Variants in SERINC5 observed in about 807,000 individuals in gnomAD.
SERINC5 encodes the protein serine incorporator 5, also known as chromosome 5 open reading frame 12.
A neutral mutation model predicts 63.1 loss-of-function variants in SERINC5; 41 were observed. The ratio of observed to expected loss-of-function variants is 0.65; its 90% CI spans 0.51 to 0.84. SERINC5 has a LOEUF of 0.84. Ranked by LOEUF, SERINC5 falls within the 40% of genes least tolerant of loss-of-function variation. SERINC5 has a pLI of 0.00. For missense variants in SERINC5, 523 were observed against 573.0 expected (o/e 0.91, Z 0.89); for synonymous variants, 222 against 215.2 (o/e 1.03, Z -0.28).
chr5:80,129,874 G>A (rs1744874549), intron 11 of SERINC5, among the ~76,000 whole-genome samples: 1 of 152,092 alleles, frequency 6.6e-6, no homozygotes, highest in Non-Finnish European at 1.5e-5. Context: ...TAACAGTTTT[G>A]ATACATTTTG....
chr5:80,239,278 GC>G (rs1751847056), intron 1 of SERINC5, among the ~76,000 whole-genome samples: 1 of 152,126 alleles, frequency 6.6e-6, no homozygotes, highest in South Asian at 2.1e-4. Context: ...CTGGCTGGCT[GC>G]CAACCAAAGA....
At chr5:80,119,699 C>T (rs1487631570) in intron 11 of SERINC5, among the ~76,000 whole-genome samples, 1 of 152,214 alleles carries the variant, frequency 6.6e-6, no homozygotes, top group East Asian at 1.9e-4. Flanking sequence ...ATGATTTCCC[C>T]ATCCCAGAAG....
At chr5:80,189,249 G>A (rs1170170062) in intron 2 of SERINC5, among the ~76,000 whole-genome samples, 1 of 152,144 alleles carries the variant, frequency 6.6e-6, no homozygotes, top group Non-Finnish European at 1.5e-5. Flanking sequence ...GAGTGGAGGT[G>A]CCGGCAAGAG....
At chr5:80,198,709 A>G (rs1749651607) in intron 2 of SERINC5, 1 of 985,394 alleles carries the variant, frequency 1.0e-6, no homozygotes, top group Non-Finnish European at 1.2e-6. Flanking sequence ...GCACCCCCTG[A>G]GGATGAGGTC....
At chr5:80,182,498 A>G (rs1392240654) in intron 2 of SERINC5, among the ~76,000 whole-genome samples, 1 of 144,184 alleles carries the variant, frequency 6.9e-6, no homozygotes, top group Non-Finnish European at 1.5e-5. Flanking sequence ...CCAAGCCCCT[A>G]TTCCTCTCTG....
chr5:80,185,377 G>A (rs1385806839), intron 2 of SERINC5, among the ~76,000 whole-genome samples: 3 of 152,110 alleles, frequency 2.0e-5, no homozygotes, highest in Admixed American at 6.5e-5. Flanking sequence ...AAACAATACC[G>A]ACACCCATTT....
chr5:80,251,886 G>A (rs1300753376), intron 1 of SERINC5, among the ~76,000 whole-genome samples: 1 of 44,334 alleles, frequency 2.3e-5, no homozygotes, highest in Admixed American at 2.2e-4. Context: ...GAACTTTTCA[G>A]GCAAGAAGCC....
chr5:80,201,434 C>T (rs1366415637), intron 2 of SERINC5, among the ~76,000 whole-genome samples: 1 of 152,244 alleles, frequency 6.6e-6, no homozygotes, highest in East Asian at 1.9e-4. Context: ...GTCTGCCCTT[C>T]CCGGGCACTG....
intron 11 of SERINC5, among the ~76,000 whole-genome samples, chr5:80,133,604 C>T (rs894703310): frequency 6.6e-6 from 1 of 152,188 alleles, no homozygotes; most frequent in African/African-American, 2.4e-5. Flanking sequence ...CAGTTAGCAG[C>T]GTGTTCTAAA....
At chr5:80,122,451 C>A (rs540139554) in intron 11 of SERINC5, among the ~76,000 whole-genome samples, 1 of 152,138 alleles carries the variant, frequency 6.6e-6, no homozygotes, top group Non-Finnish European at 1.5e-5. Flanking sequence ...CCTTTCCCAG[C>A]CCACTGACTC....
chr5:80,141,671 C>CT lies in SERINC5; in HGVS notation c.*1991dup, dbSNP rs764167607. 98 of 985,582 alleles carry CT rather than the reference C, an allele frequency of 9.9e-5. No individual in the cohort carries two copies. The highest frequency in any genetic ancestry group is 1.2e-4 in the Non-Finnish European group (96 of 830,002). 61.1% of individuals were successfully genotyped at this position (985,582 alleles called of 1,614,324 possible). A position where few individuals can be genotyped will look rare whatever the true frequency, so the allele number is the denominator to read the frequency against. On this transcript the variant is annotated 3_prime_UTR_variant, in exon 12 of 12. Coordinates refer to ENST00000507668, the MANE Select transcript of SERINC5 (RefSeq NM_001174072.3). Reference sequence around the variant, plus strand: ...CTACTGTGTGTGACACGCAGCCCCACTCCCTGAGCCCATTCCTGGCCCACG... The same window carrying CT: ...CTACTGTGTGTGACACGCAGCCCCACTTCCCTGAGCCCATTCCTGGCCCACG...
intron 1 of SERINC5, among the ~76,000 whole-genome samples, chr5:80,250,679 T>C (rs562709447): frequency 6.6e-6 from 1 of 152,338 alleles, no homozygotes; most frequent in East Asian, 1.9e-4. Context: ...ATAAGTCTTC[T>C]TCATGGACTC....
chr5:80,123,144 G>C (rs1744613130), intron 11 of SERINC5, among the ~76,000 whole-genome samples: 1 of 152,180 alleles, frequency 6.6e-6, no homozygotes, highest in Non-Finnish European at 1.5e-5. Context: ...TTCCCAGCCT[G>C]GAGTGCAGTG....
chr5:80,186,176 G>A (rs940733071), intron 2 of SERINC5, among the ~76,000 whole-genome samples: 9 of 130,002 alleles, frequency 6.9e-5, no homozygotes, highest in East Asian at 2.5e-4. Context: ...CACTCTTGTC[G>A]CCCAGGCTGG....
chr5:80,190,017 T>C (rs960357111), intron 2 of SERINC5, among the ~76,000 whole-genome samples: 8 of 152,056 alleles, frequency 5.3e-5, no homozygotes, highest in African/African-American at 1.9e-4. Context: ...CAGCCAAAAT[T>C]AGCTTGCTTT....
intron 1 of SERINC5, among the ~76,000 whole-genome samples, chr5:80,252,603 C>T (rs191685440): frequency 6.6e-6 from 1 of 152,284 alleles, no homozygotes; most frequent in East Asian, 1.9e-4. Context: ...ATAAAATAAG[C>T]TGATCTGGAT....
chr5:80,198,416 A>T, intron 2 of SERINC5: 2 of 530,390 alleles, frequency 3.8e-6, no homozygotes, highest in Non-Finnish European at 4.8e-6. Context: ...ACTCAAACTT[A>T]AACACAGGCC....
At chr5:80,130,245 T>C (rs1580029270) in intron 11 of SERINC5, among the ~76,000 whole-genome samples, 1 of 152,066 alleles carries the variant, frequency 6.6e-6, no homozygotes, top group Admixed American at 6.5e-5. Context: ...CCGGGCCTGG[T>C]GGCAGGCACC....
intron 5 of SERINC5, among the ~76,000 whole-genome samples, chr5:80,173,469 G>A (rs1328023638): frequency 6.6e-6 from 1 of 152,102 alleles, no homozygotes; most frequent in Non-Finnish European, 1.5e-5. Context: ...GGTGGCAGGC[G>A]ACTGTAGTCC....
Sources: allele counts gnomAD v4.1 joint callset (sites outside exome capture counted in the v4.1 genomes callset), GRCh38; gene constraint gnomAD v4.1.1; transcripts MANE v1.5; gene names NCBI Gene and HGNC (gene_info 2026-07-23, HGNC 2026-07-21).